The following ATRX variants were observed in gnomAD, a reference collection of about 807,000 sequenced individuals.
ATRX encodes ATRX chromatin remodeler, also known as chromatin remodeler ATRX.
A neutral mutation model predicts 172.6 loss-of-function variants in ATRX; 12 were observed. The ratio of observed to expected loss-of-function variants is 0.07; its 90% CI spans 0.04 to 0.11. The LOEUF is 0.11. Ranked by LOEUF, ATRX falls within the 10% of genes least tolerant of loss-of-function variation. ATRX has a pLI of 1.00. For missense variants in ATRX, 1,368 were observed against 1,767.4 expected, an observed-to-expected ratio of 0.77 and a Z score of 4.05; for synonymous variants, 674 against 594.7, an observed-to-expected ratio of 1.13 and a Z score of -1.94.
chrX:77,664,305 G>A (rs1412832645), intron 11 of ATRX, among the ~76,000 whole-genome samples: 1 of 109,432 alleles, frequency 9.1e-6, no homozygotes, highest in Non-Finnish European at 1.9e-5. Flanking sequence ...TGTCACCCAG[G>A]CTGGAGTGCA....
chrX:77,731,786 G>A (rs1557176255), intron 1 of ATRX, among the ~76,000 whole-genome samples: 1 of 110,730 alleles, frequency 9.0e-6, no homozygotes, highest in East Asian at 2.9e-4. Flanking sequence ...ACTTCAGGGA[G>A]ATCAGCCCTT....
rs2062698883 is a variant in ATRX, at chrX:77,505,976, G to T, written c.*2375C>A. On this transcript the variant is annotated 3_prime_UTR_variant, in exon 35 of 35. Coordinates refer to ENST00000373344, the MANE Select transcript of ATRX (RefSeq NM_000489.6). ...AAGTCTTCACAGCTGTATGATTTCA[G>T]CAGCCAAAGCTGGATGATGGACTGA... The T allele has an allele frequency of 5.9e-6, 1 of 168,436 alleles. No homozygotes were observed. Among genetic ancestry groups the T allele is most frequent in the Non-Finnish European group, 1.1e-5 (1 of 87,706 alleles). 13.9% of individuals were successfully genotyped at this position (168,436 alleles called of 1,213,427 possible).
chrX:77,534,871 T>G (rs2063697122), intron 30 of ATRX, among the ~76,000 whole-genome samples: 1 of 111,279 alleles, frequency 9.0e-6, no homozygotes, highest in South Asian at 3.8e-4. Flanking sequence ...ATAAAATATC[T>G]AAAAAAATAA....
At position 77,634,668 on chromosome X, in the gene ATRX, C is replaced by A. The variant is rs1263351835; in HGVS notation, c.4735G>T (p.Val1579Leu). The A allele has an allele frequency of 8.3e-7, 1 of 1,210,807 alleles. No individual in the cohort carries two copies. Among genetic ancestry groups the A allele is most frequent in the Non-Finnish European group, 1.1e-6 (1 of 894,935 alleles). ...QFMWDCCCES[V>L]KKTKKSPGSG... ...CCTGGAGATTTCTTTGTTTTTTTCA[C>A]AGACTCACAGCAGCAATCCCACATA... The change falls in exon 17 of 35, where the codon GTG (valine) becomes TTG (leucine). Residue 1579 changes from valine (V) to leucine (L), a missense_variant. Coordinates refer to ENST00000373344, the MANE Select transcript of ATRX (RefSeq NM_000489.6).
chrX:77,589,819 A>G lies in ATRX; in HGVS notation c.6217+15T>C. On this transcript the variant is annotated intron_variant, in intron 27 of 34. Coordinates refer to ENST00000373344, the MANE Select transcript of ATRX (RefSeq NM_000489.6). ...GTATTTTTAAAATTACGACACAGAA[A>G]TATTTGTAGCTCACCTTTATAAATA... is the stretch of plus-strand genomic sequence containing the variant. 5 of 1,150,923 alleles carry G rather than the reference A, an allele frequency of 4.3e-6. No homozygotes were observed. Among genetic ancestry groups the G allele is most frequent in the Non-Finnish European group, 5.9e-6 (5 of 841,753 alleles). The allele number at this position is 1,150,923 out of a possible 1,213,427, so 94.8% of individuals were successfully genotyped here.
In ATRX at chrX:77,506,947, C is replaced by CCTGTTGTAT. The variant is rs2062724239; in HGVS notation, c.*1395_*1403dup. 9.1e-6 allele frequency: 1 copy of CCTGTTGTAT among 109,476 alleles called. No homozygotes were observed. The highest frequency in any genetic ancestry group is 1.6e-5 in the Non-Finnish European group (1 of 60,926). The allele number at this position is 109,476 out of a possible 1,213,427, so 9.0% of individuals were successfully genotyped here. On this transcript the variant is annotated 3_prime_UTR_variant, in exon 35 of 35. Transcript: ENST00000373344. Reference sequence around the variant, plus strand: ...TTGGAATTCTTAAGCTGTTTCACTACCTGTTGTATCATCATCTCAAAAATG... The same window carrying CCTGTTGTAT: ...TTGGAATTCTTAAGCTGTTTCACTACCTGTTGTATCTGTTGTATCATCATCTCAAAAATG...
At chrX:77,649,187 A>G (rs1013759062) in intron 15 of ATRX, among the ~76,000 whole-genome samples, 4 of 109,952 alleles carry the variant, frequency 3.6e-5, no homozygotes, top group Non-Finnish European at 5.7e-5. Flanking sequence ...AGAAAGAAAG[A>G]AAGGAAGGAA....
At chrX:77,716,698 A>T (rs1384430801) in intron 2 of ATRX, among the ~76,000 whole-genome samples, 1 of 111,191 alleles carries the variant, frequency 9.0e-6, no homozygotes, top group Non-Finnish European at 1.9e-5. Context: ...AGCCAAGATC[A>T]TGCCATTGAA....
chrX:77,645,118 GA>G (rs1166561730), intron 15 of ATRX, among the ~76,000 whole-genome samples: 2 of 109,499 alleles, frequency 1.8e-5, no homozygotes, highest in Admixed American at 9.7e-5. Flanking sequence ...AGTGATGAAT[GA>G]AAAAAAAAGT....
intron 2 of ATRX, among the ~76,000 whole-genome samples, chrX:77,716,323 A>AAAAT (rs1557165064): frequency 2.4e-4 from 5 of 21,025 alleles, no homozygotes; most frequent in African/African-American, 6.7e-4. Context: ...AAAAAAAAAA[A>AAAAT]ATATATATAT....
At position 77,717,601 on chromosome X, in the gene ATRX, CA is replaced by C. The variant is rs1266020316; in HGVS notation, c.21-359del. ...CCAAGGCAACAGTCAGACCCTGTCTCAAAAAAAAAAAAAAAAAAGAATTCTA... is the reference window on the plus strand; with the variant it reads ...CCAAGGCAACAGTCAGACCCTGTCTCAAAAAAAAAAAAAAAAAGAATTCTA... On this transcript the variant is annotated intron_variant, in intron 1 of 34. Coordinates refer to ENST00000373344, the MANE Select transcript of ATRX (RefSeq NM_000489.6). 9.5e-3 allele frequency among the ~76,000 whole-genome samples: 315 copies of C among 33,299 alleles called. 2 individuals are homozygous for C. Among genetic ancestry groups the C allele is most frequent in the African/African-American group, 0.02 (192 of 9,704 alleles). 28.9% of individuals were successfully genotyped at this position (33,299 alleles called of 115,157 possible).
chrX:77,711,695 C>T (rs1470848287), intron 2 of ATRX, among the ~76,000 whole-genome samples: 1 of 111,456 alleles, frequency 9.0e-6, no homozygotes, highest in East Asian at 2.8e-4. Context: ...ATTAGCTGGG[C>T]GTGGTGGCAG....
intron 30 of ATRX, among the ~76,000 whole-genome samples, chrX:77,551,132 A>G (rs1166638274): frequency 1.8e-5 from 2 of 111,709 alleles, no homozygotes; most frequent in African/African-American, 6.5e-5. Flanking sequence ...GTTCATATGG[A>G]ACCAAAAAAG....
At chrX:77,662,599 T>C (rs2069972236) in intron 12 of ATRX, among the ~76,000 whole-genome samples, 1 of 112,556 alleles carries the variant, frequency 8.9e-6, no homozygotes, top group Non-Finnish European at 1.9e-5. Context: ...AAATTATTAA[T>C]TTTAATCTCA....
intron 30 of ATRX, among the ~76,000 whole-genome samples, chrX:77,557,006 C>T (rs2064832496): frequency 9.0e-6 from 1 of 111,612 alleles, no homozygotes; most frequent in African/African-American, 3.3e-5. Flanking sequence ...TGAACAATGT[C>T]TTGTTTTTCT....
chrX:77,737,972 G>A (rs1252504885), intron 1 of ATRX, among the ~76,000 whole-genome samples: 3 of 111,324 alleles, frequency 2.7e-5, no homozygotes, highest in African/African-American at 9.8e-5. Context: ...AAACTTATAA[G>A]AACCTTATTA....
intron 1 of ATRX, among the ~76,000 whole-genome samples, chrX:77,759,509 T>C (rs1002021033): frequency 2.7e-5 from 3 of 109,580 alleles, no homozygotes; most frequent in Non-Finnish European, 5.7e-5. Flanking sequence ...AGGTCAGGAG[T>C]TCGAGACCAG....
At chrX:77,624,383 A>G (rs1472933403) in intron 19 of ATRX, among the ~76,000 whole-genome samples, 1 of 111,251 alleles carries the variant, frequency 9.0e-6, no homozygotes, top group Non-Finnish European at 1.9e-5. Context: ...AGAAAAAGAA[A>G]AAGAAAAAAA....
Position 77,683,130 on chromosome X carries a change from T to A in ATRX, c.2126A>T (p.Asp709Val), listed in dbSNP as rs782156423. 1 of 1,209,085 alleles carries A rather than the reference T, an allele frequency of 8.3e-7. No individual in the cohort carries two copies. The highest frequency in any genetic ancestry group is 1.8e-5 in the South Asian group (1 of 56,776). ...DKRNSSDSAI[D>V]NPKPNKLPKS... ...TGGCAATTTATTAGGCTTAGGATTA[T>A]CTATAGCACTGTCAGAAGAATTACG... is the stretch of plus-strand genomic sequence containing the variant. Residue 709 changes from aspartate to valine, a missense_variant, in exon 9 of 35, where the codon GAT becomes GTT. Coordinates refer to ENST00000373344, the MANE Select transcript of ATRX (RefSeq NM_000489.6).
Sources: gnomAD v4.1 joint callset for allele counts (sites outside exome capture counted in the v4.1 genomes callset) on GRCh38, gnomAD v4.1.1 for gene constraint, MANE v1.5 for transcripts, NCBI Gene and HGNC (gene_info 2026-07-23, HGNC 2026-07-21) for gene names.